CPSF6: variants seen among roughly 807,000 people sequenced by gnomAD.
CPSF6 encodes the protein cleavage and polyadenylation specificity factor subunit 6.
In CPSF6, 10 loss-of-function variants were observed where a neutral mutation model predicts 56.7. The observed-to-expected ratio is 0.18, with a 90% CI of 0.11 to 0.30. The LOEUF (loss-of-function observed/expected upper bound fraction) is 0.30. CPSF6 is among the 10% of genes least tolerant of loss of function. The pLI is 1.00. For synonymous variants in CPSF6, 248 were observed against 244.8 expected (o/e 1.01, Z -0.12); for missense variants, 419 against 722.9 (o/e 0.58, Z 4.82).
chr12:69,260,482 G>A (rs2120585352), intron 8 of CPSF6, among the ~76,000 whole-genome samples: 1 of 152,168 alleles, frequency 6.6e-6, no homozygotes, highest in South Asian at 2.1e-4. Flanking sequence ...CTGTTCTCCA[G>A]TGAGTATTTC....
chr12:69,260,210 T>A lies in CPSF6; in HGVS notation c.1469+13T>A. ...GTTCTGGATCAAGGTAAAACTTTCC[T>A]GTCTCATTTCCATTTAAAAAAACTG... On this transcript the variant is annotated intron_variant, in intron 8 of 9. Transcript: ENST00000435070. 7 of 1,542,882 alleles carry A rather than the reference T, an allele frequency of 4.5e-6. No homozygotes were observed. The highest frequency in any genetic ancestry group is 6.1e-6 in the Non-Finnish European group (7 of 1,147,244).
At chr12:69,239,942 C>T (rs1444568454) in intron 1 of CPSF6, among the ~76,000 whole-genome samples, 2 of 150,080 alleles carry the variant, frequency 1.3e-5, no homozygotes, top group Non-Finnish European at 3.0e-5. Context: ...ACGCGGGCCG[C>T]TGTGCAGCTG....
chr12:69,259,107 G>T lies in CPSF6; in HGVS notation c.1199+13G>T, dbSNP rs748828989. 77 of 1,589,630 alleles carry T rather than the reference G, an allele frequency of 4.8e-5. No individual in the cohort carries two copies. Among genetic ancestry groups the T allele is most frequent in the Middle Eastern group, 1.7e-4 (1 of 6,028 alleles). On this transcript the variant is annotated intron_variant, in intron 6 of 9. Transcript: ENST00000435070. ...GCCCCCCTGGAAGGTAAGTTAGTGT[G>T]TATCTGTGAAAGTACTTGATGATAA... is the stretch of plus-strand genomic sequence containing the variant.
chr12:69,240,433 C>T (rs1374213039), intron 1 of CPSF6, among the ~76,000 whole-genome samples: 1 of 152,180 alleles, frequency 6.6e-6, no homozygotes, highest in Non-Finnish European at 1.5e-5. Flanking sequence ...CCTCATTAAT[C>T]CAGGGCTTGC....
rs970436940 is a variant in CPSF6, at chr12:69,274,228, T to C, written c.*4720T>C. On this transcript the variant is annotated 3_prime_UTR_variant, in exon 10 of 10. Transcript: ENST00000435070. ...GCAATTTTGTGTTTAATGTTTACTT[T>C]GTCTTTCCTTTCTTTAGCATTTAGG... is the stretch of plus-strand genomic sequence containing the variant. 9.9e-5 allele frequency: 15 copies of C among 152,040 alleles called. No homozygotes were observed. Among genetic ancestry groups the C allele is most frequent in the African/African-American group, 3.6e-4 (15 of 41,532 alleles). 9.4% of individuals were successfully genotyped at this position (152,040 alleles called of 1,614,324 possible). A position where few individuals can be genotyped will look rare whatever the true frequency, so the allele number is the denominator to read the frequency against.
In CPSF6 at chr12:69,271,097, C is replaced by T. The variant is rs1052460305; in HGVS notation, c.*1589C>T. Reference sequence around the variant, plus strand: ...ATCAAACCACTTCTGACAAAATTAGCTGTTTTGAATTACCCATATCACTGC... The same window carrying T: ...ATCAAACCACTTCTGACAAAATTAGTTGTTTTGAATTACCCATATCACTGC... On this transcript the variant is annotated 3_prime_UTR_variant, in exon 10 of 10. Coordinates refer to ENST00000435070, the MANE Select transcript of CPSF6 (RefSeq NM_007007.3). 6.6e-6 allele frequency: 1 copy of T among 152,100 alleles called. No individual in the cohort carries two copies. The highest frequency in any genetic ancestry group is 1.5e-5 in the Non-Finnish European group (1 of 67,710). 9.4% of individuals were successfully genotyped at this position (152,100 alleles called of 1,614,324 possible). A position where few individuals can be genotyped will look rare whatever the true frequency, so the allele number is the denominator to read the frequency against.
In CPSF6 at chr12:69,269,553, TG is replaced by T; in HGVS notation, c.*50del. The T allele has an allele frequency of 2.2e-6, 1 of 451,712 alleles. No homozygotes were observed. Among genetic ancestry groups the T allele is most frequent in the Non-Finnish European group, 4.5e-6 (1 of 224,530 alleles). The allele number at this position is 451,712 out of a possible 1,614,324, so 28.0% of individuals were successfully genotyped here. On this transcript the variant is annotated 3_prime_UTR_variant, in exon 10 of 10. Transcript: ENST00000435070. Reference sequence around the variant, plus strand: ...ACCTTCCAAGACAAAACAGTCTTCATGGGGGAAAAATGACGCTTGTCCAGCA... The same window carrying T: ...ACCTTCCAAGACAAAACAGTCTTCATGGGGAAAAATGACGCTTGTCCAGCA...
chr12:69,252,910 G>C, intron 2 of CPSF6, 141 bp from the exon 3 acceptor site: 1 of 509,938 alleles, frequency 2.0e-6, no homozygotes, highest in Non-Finnish European at 3.5e-6. Context: ...ATTGGAGTCT[G>C]ACTGGCCATA....
At chr12:69,265,927 A>T (rs1464012012) in intron 9 of CPSF6, among the ~76,000 whole-genome samples, 1 of 150,590 alleles carries the variant, frequency 6.6e-6, no homozygotes, top group Non-Finnish European at 1.5e-5. Flanking sequence ...CTTTTTTCCT[A>T]CCTTAAATAT....
chr12:69,241,302 A>C (rs1649121494), intron 1 of CPSF6, among the ~76,000 whole-genome samples: 1 of 152,242 alleles, frequency 6.6e-6, no homozygotes, highest in Admixed American at 6.5e-5. Flanking sequence ...CAAATCAGAT[A>C]CATTCCTCGA....
chr12:69,243,019 A>G (rs1253063466), intron 1 of CPSF6, among the ~76,000 whole-genome samples: 43 of 152,122 alleles, frequency 2.8e-4, no homozygotes, highest in Admixed American at 2.8e-3. Flanking sequence ...AAGCAGGAGA[A>G]TCGCTTGAAC....
chr12:69,256,658 C>A (rs1466981688), intron 3 of CPSF6, 39 bp from the exon 4 acceptor site: 1 of 1,566,978 alleles, frequency 6.4e-7, no homozygotes, highest in African/African-American at 1.4e-5. Flanking sequence ...ATATTGATCT[C>A]TTTTTACTTT....
At chr12:69,264,194 T>A (rs1252975077) in intron 9 of CPSF6, among the ~76,000 whole-genome samples, 4 of 152,054 alleles carry the variant, frequency 2.6e-5, no homozygotes, top group Non-Finnish European at 5.9e-5. Flanking sequence ...CTTACCTATG[T>A]CAGTCATTTC....
intron 8 of CPSF6, 161 bp from the exon 9 acceptor site, chr12:69,262,212 C>G (rs1872771155): frequency 4.7e-6 from 2 of 422,182 alleles, no homozygotes; most frequent in Non-Finnish European, 6.3e-6. Flanking sequence ...TTCATGCTTA[C>G]CTGGTGAGTT....
At chr12:69,248,206 A>G (rs1872016909) in intron 1 of CPSF6, among the ~76,000 whole-genome samples, 1 of 152,228 alleles carries the variant, frequency 6.6e-6, no homozygotes, top group Non-Finnish European at 1.5e-5. Context: ...TTATGTAAAC[A>G]TTTTCACAGG....
chr12:69,264,458 A>G (rs1490274702), intron 9 of CPSF6, among the ~76,000 whole-genome samples: 1 of 152,106 alleles, frequency 6.6e-6, no homozygotes, highest in East Asian at 1.9e-4. Flanking sequence ...GTTAGCTAAC[A>G]TTACATTCTA....
chr12:69,262,387 G>T lies in CPSF6; in HGVS notation c.1484G>T (p.Arg495Ile), dbSNP rs751208245. Residue 495 changes from arginine to isoleucine, a missense_variant, in exon 9 of 10, where the codon AGA (arginine) becomes ATA (isoleucine). Around this residue, in one of 4 missense-constraint regions of CPSF6, gnomAD observed 81 missense variants for 193.6 expected, o/e 0.42. Coordinates refer to ENST00000435070, the MANE Select transcript of CPSF6 (RefSeq NM_007007.3). ...TCTTTTAGAAGACGTGAACGATCAAGAGAGAGGGACCATAGTAGATCACGA... is the reference window on the plus strand; with the variant it reads ...TCTTTTAGAAGACGTGAACGATCAATAGAGAGGGACCATAGTAGATCACGA... Reference protein sequence around the residue: ...YGSGSRRERSRERDHSRSREK... With the variant: ...YGSGSRRERSIERDHSRSREK... 6.2e-7 allele frequency: 1 copy of T among 1,600,350 alleles called. No homozygotes were observed. The highest frequency in any genetic ancestry group is 1.7e-5 in the Admixed American group (1 of 59,464).
chr12:69,263,458 G>A (rs569049691), intron 9 of CPSF6, among the ~76,000 whole-genome samples: 43 of 151,796 alleles, frequency 2.8e-4, no homozygotes, highest in Non-Finnish European at 5.2e-4. Context: ...AAGAGCTGGG[G>A]GAGGGCACTA....
At chr12:69,259,565 A>C in intron 7 of CPSF6, 22 bp downstream of exon 7, 1 of 1,582,674 alleles carries the variant, frequency 6.3e-7, no homozygotes, top group Non-Finnish European at 8.6e-7. Context: ...TCTTGTATTA[A>C]TATTTCTTAT....
Sources: gnomAD v4.1 joint callset for allele counts (sites outside exome capture counted in the v4.1 genomes callset) on GRCh38, gnomAD v4.1.1 for gene constraint, gnomAD v4.1.1 regional missense constraint, MANE v1.5 for transcripts, NCBI Gene and HGNC (gene_info 2026-07-23, HGNC 2026-07-21) for gene names.